The following SCFD2 variants were observed in gnomAD, a reference collection of about 807,000 sequenced individuals.
SCFD2 encodes the protein sec1 family domain-containing protein 2.
Under a neutral mutation model 58.9 loss-of-function variants are expected in SCFD2, and 54 were observed. The ratio of observed to expected loss-of-function variants is 0.92; its 90% confidence interval spans 0.74 to 1.15. The LOEUF (loss-of-function observed/expected upper bound fraction) is 1.15. Among genes scored for constraint, SCFD2 ranks in the 50% most tolerant of loss-of-function variants. SCFD2 has a pLI of 0.00. For synonymous variants in SCFD2, 321 were observed against 335.9 expected (o/e 0.96, Z 0.49); for missense variants, 805 against 836.6 (o/e 0.96, Z 0.47).
Position 53,237,547 on chromosome 4 carries a change from C to G in SCFD2, c.1311+36279G>C, listed in dbSNP as rs1293141752. On this transcript the variant is annotated intron_variant, in intron 4 of 8. Transcript: ENST00000401642. ...ACCCCCACCTCTCTCCCAGATGGGG[C>G]GGCTGGCCGGGCAGAGGGGCTCCTC... is the stretch of plus-strand genomic sequence containing the variant. Among the ~76,000 whole-genome samples, 164 of 55,488 alleles carry G rather than the reference C, an allele frequency of 3.0e-3. 7 individuals carry two copies. Among genetic ancestry groups the G allele is most frequent in the African/African-American group, 0.013 (154 of 12,126 alleles). 36.4% of individuals were successfully genotyped at this position (55,488 alleles called of 152,430 possible). A position where few individuals can be genotyped will look rare whatever the true frequency, so the allele number is the denominator to read the frequency against.
At chr4:53,125,227 G>T (rs759276419) in intron 5 of SCFD2, among the ~76,000 whole-genome samples, 2 of 152,148 alleles carry the variant, frequency 1.3e-5, no homozygotes, top group Non-Finnish European at 2.9e-5. Flanking sequence ...TGTATTTTAG[G>T]CATAGGAAAT....
intron 5 of SCFD2, among the ~76,000 whole-genome samples, chr4:53,106,778 T>C (rs1725015948): frequency 6.6e-6 from 1 of 152,132 alleles, no homozygotes; most frequent in East Asian, 1.9e-4. Flanking sequence ...ATGGAGAGAA[T>C]GAAACCAAGT....
At chr4:53,007,407 G>GGGAGGGAGGAAGGA (rs1722001435) in intron 5 of SCFD2, among the ~76,000 whole-genome samples, 1 of 64,584 alleles carries the variant, frequency 1.5e-5, no homozygotes, top group Non-Finnish European at 3.1e-5. Flanking sequence ...GGAAGGAAGG[G>GGGAGGGAGGAAGGA]AGGGAGGGAG....
At chr4:53,220,515 G>A (rs1490528166) in intron 4 of SCFD2, among the ~76,000 whole-genome samples, 1 of 152,104 alleles carries the variant, frequency 6.6e-6, no homozygotes, top group African/African-American at 2.4e-5. Flanking sequence ...GTGTCTATGT[G>A]TCATTTAACA....
chr4:53,104,761 T>C (rs1724936415), intron 5 of SCFD2, among the ~76,000 whole-genome samples: 1 of 152,202 alleles, frequency 6.6e-6, no homozygotes, highest in Admixed American at 6.5e-5. Flanking sequence ...GTGCTAATCA[T>C]TACTGCAGAA....
At chr4:52,901,898 C>A (rs956311702) in intron 7 of SCFD2, among the ~76,000 whole-genome samples, 4 of 152,210 alleles carry the variant, frequency 2.6e-5, no homozygotes, top group South Asian at 2.1e-4. Context: ...TTGTTTGATG[C>A]AGATAATCTT....
intron 2 of SCFD2, among the ~76,000 whole-genome samples, chr4:53,351,441 C>T (rs1045466416): frequency 1.2e-4 from 19 of 152,312 alleles, no homozygotes; most frequent in African/African-American, 4.3e-4. Flanking sequence ...ATCTTAACTT[C>T]ATATCATTTC....
At chr4:52,988,519 C>T (rs1328991178) in intron 5 of SCFD2, among the ~76,000 whole-genome samples, 2 of 152,140 alleles carry the variant, frequency 1.3e-5, no homozygotes, top group African/African-American at 4.8e-5. Context: ...GGGAGAATGA[C>T]CGCTGCTGAT....
intron 5 of SCFD2, among the ~76,000 whole-genome samples, chr4:53,038,680 A>G (rs1261367114): frequency 1.3e-5 from 2 of 151,426 alleles, no homozygotes; most frequent in Non-Finnish European, 2.9e-5. Flanking sequence ...AAAAGAAGAC[A>G]TTTAAAGTTT....
At chr4:53,256,255 G>C (rs1178280433) in intron 4 of SCFD2, among the ~76,000 whole-genome samples, 5 of 122,340 alleles carry the variant, frequency 4.1e-5, no homozygotes, top group Non-Finnish European at 3.4e-5. Context: ...AGACGGGGCA[G>C]CCGGGCAGAG....
At chr4:52,955,762 A>T (rs901777934) in intron 5 of SCFD2, among the ~76,000 whole-genome samples, 2 of 152,378 alleles carry the variant, frequency 1.3e-5, no homozygotes, top group East Asian at 1.9e-4. Flanking sequence ...TAATGTATTT[A>T]TACATAGAGA....
intron 3 of SCFD2, among the ~76,000 whole-genome samples, chr4:53,290,404 A>G (rs1359168075): frequency 6.6e-6 from 1 of 152,168 alleles, no homozygotes; most frequent in Admixed American, 6.5e-5. Flanking sequence ...CAAAAGAAAA[A>G]TTTAAAAATA....
chr4:53,124,769 T>C (rs1725577339), intron 5 of SCFD2, among the ~76,000 whole-genome samples: 1 of 152,258 alleles, frequency 6.6e-6, no homozygotes, highest in East Asian at 1.9e-4. Context: ...GTGAAGAGCA[T>C]CATAAAAATG....
rs563715336 is a variant in SCFD2, at chr4:53,142,370, T to C, written c.1561+2963A>G. 3.9e-5 allele frequency among the ~76,000 whole-genome samples: 6 copies of C among 152,336 alleles called. No homozygotes were observed. In the South Asian group the frequency reaches 1.2e-3, roughly 32 times the overall value. On this transcript the variant is annotated intron_variant, in intron 5 of 8. Transcript: ENST00000401642. ...GTTATTCAATTGTTAATCGATTCCCTATTTTCAATAATTCTTTTTAACCAA... is the reference window on the plus strand; with the variant it reads ...GTTATTCAATTGTTAATCGATTCCCCATTTTCAATAATTCTTTTTAACCAA...
At chr4:52,883,976 C>T (rs1237912115) in intron 8 of SCFD2, among the ~76,000 whole-genome samples, 2 of 152,138 alleles carry the variant, frequency 1.3e-5, no homozygotes, top group African/African-American at 2.4e-5. Flanking sequence ...CCAGCAGGGA[C>T]CAGACCTTCT....
At position 53,178,914 on chromosome 4, in the gene SCFD2, A is replaced by G. The variant is rs538936842; in HGVS notation, c.1312-33332T>C. Among the ~76,000 whole-genome samples, 7 of 152,286 alleles carry G rather than the reference A, an allele frequency of 4.6e-5. No homozygotes were observed. In the East Asian group the frequency reaches 1.4e-3, roughly 29 times the overall value. On this transcript the variant is annotated intron_variant, in intron 4 of 8. Coordinates refer to ENST00000401642, the MANE Select transcript of SCFD2 (RefSeq NM_152540.4). The stretch of plus-strand genomic sequence containing the variant: ...ACAGGGTATCAGTGATGGAAGATCA[A>G]ATGAATGAAATGAAGTGAGAAGAGA...
chr4:53,215,095 A>C (rs1427419937), intron 4 of SCFD2, among the ~76,000 whole-genome samples: 9 of 152,002 alleles, frequency 5.9e-5, no homozygotes, highest in African/African-American at 1.5e-4. Context: ...TTGATGCCTC[A>C]AGCTTTATTC....
chr4:53,264,655 G>A (rs1383640531), intron 4 of SCFD2, among the ~76,000 whole-genome samples: 1 of 152,188 alleles, frequency 6.6e-6, no homozygotes, highest in Non-Finnish European at 1.5e-5. Flanking sequence ...ATATTTCCAA[G>A]CCAAGCCATA....
chr4:52,945,909 A>G (rs1428783522), intron 5 of SCFD2: 1 of 152,202 alleles, frequency 6.6e-6, no homozygotes, highest in Non-Finnish European at 1.5e-5. Flanking sequence ...GGATTTATAC[A>G]TCGAACATTT....
Sources: allele counts gnomAD v4.1 joint callset (sites outside exome capture counted in the v4.1 genomes callset), GRCh38; gene constraint gnomAD v4.1.1; transcripts MANE v1.5; gene names NCBI Gene and HGNC (gene_info 2026-07-23, HGNC 2026-07-21).